The following NOS1AP variants were observed in gnomAD, a reference collection of about 807,000 sequenced individuals.
NOS1AP encodes the protein nitric oxide synthase 1 adaptor protein.
Under a neutral mutation model 56.2 loss-of-function variants are expected in NOS1AP, and 21 were observed. The observed-to-expected ratio is 0.37, with a 90% CI of 0.26 to 0.54. The LOEUF (loss-of-function observed/expected upper bound fraction) is 0.54. Ranked by LOEUF, NOS1AP falls within the 20% of genes least tolerant of loss-of-function variation. NOS1AP has a pLI of 0.84. For missense variants in NOS1AP, 522 were observed against 657.8 expected, an observed-to-expected ratio of 0.79 and a Z score of 2.26; for synonymous variants, 270 against 274.6, an observed-to-expected ratio of 0.98 and a Z score of 0.17.
At chr1:162,332,614 C>T (rs561309865) in intron 4 of NOS1AP, among the ~76,000 whole-genome samples, 2 of 152,312 alleles carry the variant, frequency 1.3e-5, no homozygotes, top group African/African-American at 2.4e-5. Context: ...CCCTAAGTTT[C>T]TGCATTTGGG....
chr1:162,170,940 C>CAA (rs71650179), intron 2 of NOS1AP, among the ~76,000 whole-genome samples: 1,767 of 128,298 alleles, frequency 0.014, 32 homozygotes, highest in African/African-American at 0.046. Context: ...AACTCCATCT[C>CAA]AAAAAAAAAA....
chr1:162,261,508 G>GAAGGC (rs1557853767), intron 2 of NOS1AP, among the ~76,000 whole-genome samples: 1 of 13,606 alleles, frequency 7.3e-5, no homozygotes, highest in African/African-American at 3.2e-4. Context: ...GAGAGAGAGA[G>GAAGGC]AGAGAGAGAG....
chr1:162,177,823 C>T (rs1016019781), intron 2 of NOS1AP, among the ~76,000 whole-genome samples: 1 of 152,162 alleles, frequency 6.6e-6, no homozygotes, highest in Non-Finnish European at 1.5e-5. Flanking sequence ...TTGGTTACAA[C>T]TGATGAACCT....
intron 4 of NOS1AP, 80 bp from the exon 5 acceptor site, chr1:162,332,937 G>A (rs1656820578): frequency 2.1e-6 from 2 of 972,056 alleles, no homozygotes; most frequent in Admixed American, 3.4e-5. Flanking sequence ...GCTTCAGAGT[G>A]TCCTTAAACA....
chr1:162,120,702 C>T (rs1648177107), intron 1 of NOS1AP, among the ~76,000 whole-genome samples: 1 of 152,142 alleles, frequency 6.6e-6, no homozygotes, highest in Non-Finnish European at 1.5e-5. Flanking sequence ...CCCCATGATT[C>T]GATTATCTCC....
At chr1:162,353,857 C>T (rs1408514154) in intron 6 of NOS1AP, among the ~76,000 whole-genome samples, 1 of 152,236 alleles carries the variant, frequency 6.6e-6, no homozygotes, top group Non-Finnish European at 1.5e-5. Flanking sequence ...CTTCCAGGTG[C>T]AGGCTGTGGT....
chr1:162,253,355 A>C (rs948140427), intron 2 of NOS1AP, among the ~76,000 whole-genome samples: 1 of 152,186 alleles, frequency 6.6e-6, no homozygotes, highest in Non-Finnish European at 1.5e-5. Flanking sequence ...TATAGGTGCA[A>C]AATGAACTAA....
intron 2 of NOS1AP, among the ~76,000 whole-genome samples, chr1:162,164,385 A>G (rs538024294): frequency 7.9e-5 from 12 of 152,340 alleles, no homozygotes; most frequent in South Asian, 2.1e-4. Flanking sequence ...CATAATTATC[A>G]TTTTAATCAC....
At chr1:162,130,773 C>T (rs1648714796) in intron 1 of NOS1AP, among the ~76,000 whole-genome samples, 1 of 152,054 alleles carries the variant, frequency 6.6e-6, no homozygotes, top group Non-Finnish European at 1.5e-5. Context: ...TAGTGTGTAC[C>T]CTAACATTTG....
chr1:162,160,476 G>A (rs756984056), intron 2 of NOS1AP, among the ~76,000 whole-genome samples: 5 of 152,184 alleles, frequency 3.3e-5, no homozygotes, highest in Non-Finnish European at 5.9e-5. Context: ...CTGGTGGACG[G>A]GCGGCTTTAT....
chr1:162,221,572 ACG>A (rs1382145922), intron 2 of NOS1AP, among the ~76,000 whole-genome samples: 4 of 148,388 alleles, frequency 2.7e-5, no homozygotes, highest in Admixed American at 6.7e-5. Flanking sequence ...ACACACACAC[ACG>A]GGTTAAGACC....
intron 2 of NOS1AP, among the ~76,000 whole-genome samples, chr1:162,203,979 C>G (rs1652079686): frequency 6.6e-6 from 1 of 152,186 alleles, no homozygotes; most frequent in Admixed American, 6.5e-5. Context: ...CACAGGCCCC[C>G]TTCAGCCTAG....
chr1:162,365,438 C>G lies in NOS1AP; in HGVS notation c.974C>G (p.Ala325Gly), dbSNP rs1658052485. 1 of 1,613,990 alleles carries G rather than the reference C, an allele frequency of 6.2e-7. No individual in the cohort carries two copies. Among genetic ancestry groups the G allele is most frequent in the Admixed American group, 1.7e-5 (1 of 60,010 alleles). Reference sequence around the variant, plus strand: ...CTGAAGGACCAGTTGGCTGCTGAGGCTGCGGCGCGGCTGGAGGCCCAGGCT... The same window carrying G: ...CTGAAGGACCAGTTGGCTGCTGAGGGTGCGGCGCGGCTGGAGGCCCAGGCT... Reference protein sequence around the residue: ...HLLKDQLAAEAAARLEAQARV... With the variant: ...HLLKDQLAAEGAARLEAQARV... Residue 325 changes from alanine (A) to glycine (G), a missense_variant, in exon 9 of 10, where the codon GCT becomes GGT. Ala to Gly is a moderately conservative substitution (Grantham distance 60). This residue lies in a region of NOS1AP where 52 missense variants were observed against 94.5 expected (regional missense o/e 0.55). Transcript: ENST00000361897.
chr1:162,324,052 C>T (rs1479938890), intron 4 of NOS1AP, among the ~76,000 whole-genome samples: 1 of 152,186 alleles, frequency 6.6e-6, no homozygotes, highest in East Asian at 1.9e-4. Flanking sequence ...CTAGATGATG[C>T]TCCTCCAGCA....
rs1657529385 is a variant in NOS1AP at position 162,352,203 on chromosome 1, G to GCA, written c.596-2983_596-2982dup. On this transcript the variant is annotated intron_variant, in intron 6 of 9. Transcript: ENST00000361897. Reference sequence around the variant, plus strand: ...GCCTCCCAAGCAGCTGGGATTACAGGCATGTACCACCATGCCCAGCTAATT... The same window carrying GCA: ...GCCTCCCAAGCAGCTGGGATTACAGGCACATGTACCACCATGCCCAGCTAATT... Among the ~76,000 whole-genome samples the GCA allele has an allele frequency of 2.0e-5, 3 of 152,232 alleles. No individual in the cohort carries two copies. In the South Asian group the frequency reaches 6.2e-4, roughly 32 times the overall value.
intron 2 of NOS1AP, among the ~76,000 whole-genome samples, chr1:162,210,177 A>G (rs1294212560): frequency 6.6e-6 from 1 of 152,176 alleles, no homozygotes; most frequent in Non-Finnish European, 1.5e-5. Flanking sequence ...CACTTTAACT[A>G]CATTTCTTCA....
intron 6 of NOS1AP, 75 bp downstream of exon 6, chr1:162,344,051 A>G: frequency 6.6e-7 from 1 of 1,515,930 alleles, no homozygotes; most frequent in Admixed American, 1.7e-5. Context: ...CACTGCCCTG[A>G]CCCCCAGGCT....
intron 4 of NOS1AP, among the ~76,000 whole-genome samples, chr1:162,319,493 C>T (rs909565842): frequency 2.6e-5 from 4 of 152,142 alleles, no homozygotes; most frequent in African/African-American, 4.8e-5. Flanking sequence ...CCTTCTGTCC[C>T]CATCTCCCAC....
chr1:162,366,317 C>A (rs1049119231), intron 9 of NOS1AP, among the ~76,000 whole-genome samples: 4 of 152,166 alleles, frequency 2.6e-5, no homozygotes, highest in African/African-American at 9.7e-5. Context: ...TGCCTGTGAG[C>A]TCATTTAATC....
Sources: allele counts gnomAD v4.1 joint callset (sites outside exome capture counted in the v4.1 genomes callset), GRCh38; gene constraint gnomAD v4.1.1; regional missense constraint gnomAD v4.1.1; transcripts MANE v1.5; gene names NCBI Gene and HGNC (gene_info 2026-07-23, HGNC 2026-07-21).